Variants in MIDEAS observed in about 807,000 individuals in gnomAD.
MIDEAS encodes the protein mitotic deacetylase associated SANT domain protein, also known as mitotic deacetylase-associated SANT domain protein.
A neutral mutation model predicts 102.7 loss-of-function variants in MIDEAS; 26 were observed. The observed-to-expected ratio is 0.25, with a 90% CI of 0.19 to 0.35. MIDEAS has a LOEUF of 0.35. MIDEAS is among the 10% of genes least tolerant of loss of function. MIDEAS has a pLI of 1.00. For missense variants in MIDEAS, 1,231 were observed against 1,435.6 expected (o/e 0.86, Z 2.30); for synonymous variants, 585 against 591.0 (o/e 0.99, Z 0.15).
intron 1 of MIDEAS, among the ~76,000 whole-genome samples, chr14:73,746,870 G>T (rs2053359084): frequency 6.6e-6 from 1 of 152,206 alleles, no homozygotes; most frequent in Non-Finnish European, 1.5e-5. Context: ...CTGCAAGCCA[G>T]GCTCTGGGAG....
Position 73,719,453 on chromosome 14 carries a change from A to T in MIDEAS, c.2986T>A (p.Ser996Thr). 1 of 1,613,998 alleles carries T rather than the reference A, an allele frequency of 6.2e-7. No homozygotes were observed. Residue 996 changes from serine to threonine, a missense_variant, in exon 12 of 13, where the codon TCT becomes ACT. Around this residue, in one of 5 missense-constraint regions of MIDEAS, gnomAD observed 391 missense variants for 483.0 expected, o/e 0.81. Coordinates refer to ENST00000423556, the MANE Select transcript of MIDEAS (RefSeq NM_001367710.1). Reference protein sequence around the residue: ...LRSHESNAPGSAGGQASEKPR... With the variant: ...LRSHESNAPGTAGGQASEKPR... The stretch of plus-strand genomic sequence containing the variant: ...TTCTCCGAGGCCTGGCCACCGGCAG[A>T]CCCAGGGGCGTTGGACTCGTGGCTC...
chr14:73,739,175 C>A lies in MIDEAS; in HGVS notation c.834G>T (p.Pro278=), dbSNP rs17782128. The A allele has an allele frequency of 3.7e-6, 6 of 1,613,648 alleles. No homozygotes were observed. The East Asian group carries it at 6.7e-5, about 18-fold the overall frequency. Residue 278 remains proline (P), a synonymous_variant, in exon 2 of 13, where the codon CCG becomes CCT. Coordinates refer to ENST00000423556, the MANE Select transcript of MIDEAS (RefSeq NM_001367710.1). ...MPLFENFYSM[P]QQPSQQPQDF... ...CCTGGGGTTGCTGCGAGGGTTGCTG[C>A]GGCATGGAATAGAAGTTCTCAAAGA...
chr14:73,784,794 G>A (rs2053791289), intron 1 of MIDEAS, among the ~76,000 whole-genome samples: 1 of 152,184 alleles, frequency 6.6e-6, no homozygotes, highest in African/African-American at 2.4e-5. Flanking sequence ...TCATTCCCCT[G>A]TGGCAACTGT....
Position 73,740,125 on chromosome 14 carries a change from G to T in MIDEAS, c.-117C>A. On this transcript the variant is annotated 5_prime_UTR_variant, in exon 2 of 13. Transcript: ENST00000423556. ...AGGAGCCAGGGAGGGCAGAGCAGGG[G>T]CAGAGGAAGACGCTGGACAGTGAGG... 1.5e-6 allele frequency: 2 copies of T among 1,335,774 alleles called. No individual in the cohort carries two copies. Among genetic ancestry groups the T allele is most frequent in the Non-Finnish European group, 1.9e-6 (2 of 1,029,010 alleles). 82.7% of individuals were successfully genotyped at this position (1,335,774 alleles called of 1,614,324 possible).
rs187598112 is a variant in MIDEAS, at chr14:73,770,107, C to T, written c.-248+16995G>A. Among the ~76,000 whole-genome samples, 17 of 151,698 alleles carry T rather than the reference C, an allele frequency of 1.1e-4. No individual in the cohort carries two copies. The East Asian group carries it at 2.9e-3, about 26-fold the overall frequency. On this transcript the variant is annotated intron_variant, in intron 1 of 11. Coordinates refer to the MIDEAS transcript ENST00000394071. The stretch of plus-strand genomic sequence containing the variant: ...TATAGAGCCCATTCAGATTATGGTA[C>T]GGTAAGGAAGAGTAACAGAATGAAA...
chr14:73,764,619 G>C (rs2053579709), upstream of MIDEAS, among the ~76,000 whole-genome samples: 1 of 152,160 alleles, frequency 6.6e-6, no homozygotes. Flanking sequence ...CTTTTTGCCA[G>C]GTCTTTTCTG....
intron 1 of MIDEAS, among the ~76,000 whole-genome samples, chr14:73,769,124 A>G (rs10149494): frequency 4.8e-4 from 73 of 151,942 alleles, no homozygotes; most frequent in African/African-American, 1.7e-3. Flanking sequence ...CCTCGCATCT[A>G]CCTCCTGCCC....
rs1269676036 is a variant in MIDEAS at position 73,760,187 on chromosome 14, T to A, written c.-672A>T. The A allele has an allele frequency of 4.0e-5, 6 of 149,676 alleles. No individual in the cohort carries two copies. The highest frequency in any genetic ancestry group is 7.4e-5 in the Non-Finnish European group (5 of 67,956). 9.3% of individuals were successfully genotyped at this position (149,676 alleles called of 1,614,324 possible). A position where few individuals can be genotyped will look rare whatever the true frequency, so the allele number is the denominator to read the frequency against. On this transcript the variant is annotated 5_prime_UTR_variant, in exon 1 of 13. Coordinates refer to ENST00000423556, the MANE Select transcript of MIDEAS (RefSeq NM_001367710.1). This position sits in a 1 kb window ranked among gnomAD's most constrained non-coding sequence, Gnocchi z 4.8. ...AGAGGCAACAGCGGAGGAGGAGGAC[T>A]CTGGCGTGCTACAAAGGATTGCACA...
Position 73,719,614 on chromosome 14 carries a change from T to TATATATA in MIDEAS, c.2938-114_2938-113insTATATAT, listed in dbSNP as rs1443168797. The TATATATA allele has an allele frequency of 2.9e-6, 3 of 1,035,172 alleles. No individual in the cohort carries two copies. In the African/African-American group the frequency reaches 4.8e-5, roughly 17 times the overall value. The allele number at this position is 1,035,172 out of a possible 1,614,324, so 64.1% of individuals were successfully genotyped here. A position where few individuals can be genotyped will look rare whatever the true frequency, so the allele number is the denominator to read the frequency against. On this transcript the variant is annotated intron_variant, in intron 11 of 12. Coordinates refer to ENST00000423556, the MANE Select transcript of MIDEAS (RefSeq NM_001367710.1). ...AGTCATATATATTCCTGCCAAACAG[T>TATATATA]CACCTAGCATGCACTTGGGTCCTTC...
At chr14:73,724,401 T>C in intron 9 of MIDEAS, 1 of 152,252 alleles carries the variant, frequency 6.6e-6, no homozygotes, top group East Asian at 1.9e-4. Flanking sequence ...TTACTGTCAA[T>C]TCTCTCTGAC....
At chr14:73,769,084 C>CT (rs1399610069) in intron 1 of MIDEAS, among the ~76,000 whole-genome samples, 3 of 152,220 alleles carry the variant, frequency 2.0e-5, no homozygotes, top group African/African-American at 7.2e-5. Context: ...CCCTCCAGCT[C>CT]TAACAGCCTG....
At chr14:73,733,092 C>CA (rs552722209) in intron 3 of MIDEAS, among the ~76,000 whole-genome samples, 134 of 142,986 alleles carry the variant, frequency 9.4e-4, no homozygotes, top group Non-Finnish European at 1.4e-3. Context: ...AACCCCGTCT[C>CA]AAAAAAAAAA....
At chr14:73,726,763 T>G in intron 6 of MIDEAS, 56 bp from the exon 7 acceptor site, 3 of 1,611,344 alleles carry the variant, frequency 1.9e-6, no homozygotes, top group Non-Finnish European at 2.5e-6. Context: ...AGGGCGGGGC[T>G]GGGCAGGGTG....
intron 1 of MIDEAS, among the ~76,000 whole-genome samples, chr14:73,752,272 C>T (rs969457931): frequency 2.6e-5 from 4 of 152,180 alleles, no homozygotes; most frequent in African/African-American, 9.7e-5. Flanking sequence ...ACATGGCTGA[C>T]TACCTGAGCA....
rs200140026 is a variant in MIDEAS, at chr14:73,721,304, T to C, written c.2930A>G (p.Asn977Ser). 1.5e-5 allele frequency: 24 copies of C among 1,612,900 alleles called. No individual in the cohort carries two copies. The highest frequency in any genetic ancestry group is 1.7e-4 in the Middle Eastern group (1 of 6,058). ...AVKATQTLQA[N>S]ESASDILILR... ...CATGGTGGTCACACTCACCGACTCA[T>C]TGGCCTGTAGTGTCTGCGTGGCTTT... Residue 977 changes from asparagine to serine, a missense_variant, in exon 11 of 13, where the codon AAT (asparagine) becomes AGT (serine). Physicochemically the swap from Asn to Ser is conservative, Grantham distance 46 (BLOSUM62 1). Coordinates refer to ENST00000423556, the MANE Select transcript of MIDEAS (RefSeq NM_001367710.1).
chr14:73,725,905 A>C lies in MIDEAS; in HGVS notation c.2485+128T>G. 1.3e-6 allele frequency: 1 copy of C among 793,316 alleles called. No homozygotes were observed. Among genetic ancestry groups the C allele is most frequent in the Non-Finnish European group, 2.1e-6 (1 of 481,968 alleles). 49.1% of individuals were successfully genotyped at this position (793,316 alleles called of 1,614,324 possible). On this transcript the variant is annotated intron_variant, in intron 8 of 12. Coordinates refer to ENST00000423556, the MANE Select transcript of MIDEAS (RefSeq NM_001367710.1). This position sits in a 1 kb window ranked among gnomAD's most constrained non-coding sequence, Gnocchi z 4.1. The stretch of plus-strand genomic sequence containing the variant: ...CTTTGGTGGCAGTTCCCTCACTCTG[A>C]CTCTTGGCTTATCTACCCTCCTCCT...
At chr14:73,729,587 T>C (rs913046246) in intron 4 of MIDEAS, 53 bp downstream of exon 4, 19 of 1,452,598 alleles carry the variant, frequency 1.3e-5, no homozygotes, top group Non-Finnish European at 1.8e-5. Flanking sequence ...GATGCCTCCC[T>C]GCCCAGTGCC....
rs2052991325 is a variant in MIDEAS, at chr14:73,721,466, G to A, written c.2768C>T (p.Ser923Phe). Reference protein sequence around the residue: ...FPRVPLPRRESPSEERLEPKR... With the variant: ...FPRVPLPRREFPSEERLEPKR... The stretch of plus-strand genomic sequence containing the variant: ...GGGCTCCAGCCTCTCTTCACTTGGG[G>A]ACTCTCTTCTGGGAAGAGGCACCCT... Residue 923 changes from serine (S) to phenylalanine (F), a missense_variant, in exon 11 of 13, where the codon TCC becomes TTC. Transcript: ENST00000423556. The A allele has an allele frequency of 6.2e-7, 1 of 1,613,986 alleles. No individual in the cohort carries two copies. The highest frequency in any genetic ancestry group is 1.3e-5 in the African/African-American group (1 of 74,864).
At chr14:73,734,404 T>C (rs2053176917) in intron 3 of MIDEAS, among the ~76,000 whole-genome samples, 2 of 151,900 alleles carry the variant, frequency 1.3e-5, no homozygotes, top group Non-Finnish European at 2.9e-5. Flanking sequence ...AGGGTTTGGG[T>C]TTTTTGTTTT....
Sources: gnomAD v4.1 joint callset for allele counts (sites outside exome capture counted in the v4.1 genomes callset) on GRCh38, gnomAD v4.1.1 for gene constraint, gnomAD v4.1.1 regional missense constraint, Gnocchi (gnomAD v3.1) non-coding constraint, MANE v1.5 for transcripts, NCBI Gene and HGNC (gene_info 2026-07-23, HGNC 2026-07-21) for gene names.